The following MRPL48 variants were observed in gnomAD, a reference collection of about 807,000 sequenced individuals.
MRPL48 encodes the protein mitochondrial ribosomal protein L48, also known as large ribosomal subunit protein mL48.
MRPL48 carries 16 observed loss-of-function variants against 32.9 expected under a neutral mutation model. That is an observed-to-expected ratio of 0.49 (90% CI 0.33 to 0.74). MRPL48 has a LOEUF of 0.74. Ranked by LOEUF, MRPL48 falls within the 30% of genes least tolerant of loss-of-function variation. MRPL48 has a pLI of 0.02. For missense variants in MRPL48, 206 were observed against 245.3 expected, an observed-to-expected ratio of 0.84 and a Z score of 1.07; for synonymous variants, 94 against 89.2, an observed-to-expected ratio of 1.05 and a Z score of -0.31.
intron 1 of MRPL48, among the ~76,000 whole-genome samples, chr11:73,788,580 TCTC>T (rs1262617020): frequency 2.6e-5 from 4 of 151,132 alleles, no homozygotes; most frequent in Non-Finnish European, 5.9e-5. Context: ...TTCAAGCGAT[TCTC>T]CTGCCTCAGC....
Position 73,863,022 on chromosome 11 carries a change from G to T in MRPL48, c.475-150G>T, listed in dbSNP as rs1948610247. On this transcript the variant is annotated intron_variant, in intron 6 of 7. Transcript: ENST00000310614. ...AGATGGCAGGAGAAATCCTGTAGAG[G>T]CCAGCTCAGAAACCAGTTTTGGTGT... is the stretch of plus-strand genomic sequence containing the variant. The T allele has an allele frequency of 4.4e-6, 3 of 677,192 alleles. No homozygotes were observed. In the Admixed American group the frequency reaches 7.7e-5, roughly 17 times the overall value. The allele number at this position is 677,192 out of a possible 1,614,324, so 41.9% of individuals were successfully genotyped here.
chr11:73,807,863 T>G (rs1198606239), intron 2 of MRPL48, among the ~76,000 whole-genome samples: 1 of 152,202 alleles, frequency 6.6e-6, no homozygotes, highest in Non-Finnish European at 1.5e-5. Context: ...AGTCTCGAAC[T>G]CTTGACCTCA....
intron 1 of MRPL48, among the ~76,000 whole-genome samples, chr11:73,801,397 C>T (rs1233019850): frequency 6.6e-6 from 1 of 152,076 alleles, no homozygotes; most frequent in Non-Finnish European, 1.5e-5. Context: ...CTGACCTCTC[C>T]TGGGGCCCCA....
chr11:73,862,138 A>C (rs1016469264), intron 6 of MRPL48, among the ~76,000 whole-genome samples: 4 of 152,144 alleles, frequency 2.6e-5, no homozygotes, highest in African/African-American at 7.2e-5. Flanking sequence ...AAATACAAAA[A>C]TTAGCTGGGC....
intron 3 of MRPL48, among the ~76,000 whole-genome samples, chr11:73,816,289 C>G (rs1460748685): frequency 6.7e-6 from 1 of 149,020 alleles, no homozygotes; most frequent in African/African-American, 2.5e-5. Context: ...TCTCGATCTC[C>G]TGACCTCGTG....
intron 7 of MRPL48, 141 bp downstream of exon 7, chr11:73,863,402 C>CTT: frequency 1.4e-6 from 1 of 728,308 alleles, no homozygotes; most frequent in African/African-American, 1.8e-5. Flanking sequence ...AAGTTGTACA[C>CTT]TCTGATGACA....
intron 5 of MRPL48, among the ~76,000 whole-genome samples, chr11:73,857,410 G>A (rs1948501260): frequency 6.6e-6 from 1 of 151,392 alleles, no homozygotes; most frequent in Admixed American, 6.6e-5. Context: ...GGGATTACAG[G>A]CGTGAGCCAC....
chr11:73,799,627 A>G (rs1260748081), intron 1 of MRPL48, among the ~76,000 whole-genome samples: 2 of 152,170 alleles, frequency 1.3e-5, no homozygotes, highest in East Asian at 3.8e-4. Context: ...GAGACTTGGA[A>G]GGGTGGGAAG....
At chr11:73,847,004 A>C (rs1948304619) in intron 5 of MRPL48, among the ~76,000 whole-genome samples, 1 of 146,648 alleles carries the variant, frequency 6.8e-6, no homozygotes, top group Admixed American at 6.9e-5. Context: ...TCTGTTGCCC[A>C]GGCTGGAGTG....
intron 4 of MRPL48, among the ~76,000 whole-genome samples, chr11:73,830,698 C>G (rs908132635): frequency 6.6e-6 from 1 of 152,110 alleles, no homozygotes; most frequent in East Asian, 1.9e-4. Flanking sequence ...ATAAAGTATC[C>G]AACCCTTGTC....
chr11:73,827,855 C>G (rs1261253524), intron 4 of MRPL48, among the ~76,000 whole-genome samples: 1 of 152,156 alleles, frequency 6.6e-6, no homozygotes, highest in Non-Finnish European at 1.5e-5. Context: ...AACAAATGCC[C>G]TACTAAAATT....
chr11:73,831,528 G>A (rs192574131), intron 4 of MRPL48, among the ~76,000 whole-genome samples: 11 of 152,130 alleles, frequency 7.2e-5, no homozygotes, highest in South Asian at 4.2e-4. Context: ...ATTTTAGAGC[G>A]TATCTCCAGA....
At chr11:73,809,604 A>T (rs1368271751) in intron 3 of MRPL48, among the ~76,000 whole-genome samples, 1 of 152,204 alleles carries the variant, frequency 6.6e-6, no homozygotes, top group Non-Finnish European at 1.5e-5. Flanking sequence ...TATGTCCATC[A>T]TCAGGCTAGG....
chr11:73,849,929 C>T (rs899615934), intron 5 of MRPL48, among the ~76,000 whole-genome samples: 3 of 152,056 alleles, frequency 2.0e-5, no homozygotes, highest in African/African-American at 7.2e-5. Context: ...GAAATCCTGT[C>T]TCTACATAAA....
chr11:73,826,780 T>C (rs1168112175), intron 4 of MRPL48, among the ~76,000 whole-genome samples: 3 of 149,740 alleles, frequency 2.0e-5, no homozygotes, highest in East Asian at 2.0e-4. Context: ...TTTTCTTTTT[T>C]TTTTTTTTTT....
chr11:73,788,106 G>A, intron 1 of MRPL48, 114 bp downstream of exon 1: 3 of 1,483,950 alleles, frequency 2.0e-6, no homozygotes, highest in Non-Finnish European at 2.8e-6. Flanking sequence ...CCGGGGATGA[G>A]ACACTGGGGC....
At chr11:73,843,096 A>G (rs1948221532) in intron 4 of MRPL48, 1 of 152,216 alleles carries the variant, frequency 6.6e-6, no homozygotes, top group African/African-American at 2.4e-5. Context: ...TACAGGTGTC[A>G]GCCACTGTAC....
At chr11:73,838,883 A>T (rs963254253) in intron 4 of MRPL48, among the ~76,000 whole-genome samples, 3 of 152,152 alleles carry the variant, frequency 2.0e-5, no homozygotes, top group African/African-American at 7.2e-5. Flanking sequence ...GAACACATTT[A>T]TCTGTTTGGG....
At chr11:73,820,316 C>T (rs551798884) in intron 3 of MRPL48, among the ~76,000 whole-genome samples, 1 of 152,252 alleles carries the variant, frequency 6.6e-6, no homozygotes, top group South Asian at 2.1e-4. Flanking sequence ...ACTCCGCCTC[C>T]CGGGTTCAAG....
Sources: gnomAD v4.1 joint callset for allele counts (sites outside exome capture counted in the v4.1 genomes callset) on GRCh38, gnomAD v4.1.1 for gene constraint, MANE v1.5 for transcripts, NCBI Gene and HGNC (gene_info 2026-07-23, HGNC 2026-07-21) for gene names.